Variants in RBM19 observed in about 807,000 individuals in gnomAD.
RBM19 encodes the protein probable RNA-binding protein 19.
A neutral mutation model predicts 116.8 loss-of-function variants in RBM19; 94 were observed. The ratio of observed to expected loss-of-function variants is 0.80; its 90% CI spans 0.68 to 0.95. The LOEUF is 0.95. Among genes scored for constraint, RBM19 ranks in the 40% least tolerant of loss-of-function variants. The pLI is 0.00. For missense variants in RBM19, 1,161 were observed against 1,220.7 expected (o/e 0.95, Z 0.73); for synonymous variants, 475 against 494.1 (o/e 0.96, Z 0.51).
chr12:113,855,955 C>T (rs1380389343), intron 22 of RBM19, among the ~76,000 whole-genome samples: 1 of 152,160 alleles, frequency 6.6e-6, no homozygotes, highest in African/African-American at 2.4e-5. Context: ...TGGCAGCTTC[C>T]CTAGGAAACA....
chr12:113,864,937 G>A, intron 21 of RBM19, among the ~76,000 whole-genome samples: 1 of 152,196 alleles, frequency 6.6e-6, no homozygotes, highest in South Asian at 2.1e-4. Flanking sequence ...CCAGTTTCAT[G>A]AATATCTGTC....
In RBM19 at chr12:113,851,447, C is replaced by A. The variant is rs1167215620; in HGVS notation, c.2665-6659G>T. ...ACCCCTGGGAGAGGAAAGAGAGCCA[C>A]TAGGGAGAGAGGGCCAATGCCAGGG... On this transcript the variant is annotated intron_variant, in intron 22 of 23. Transcript: ENST00000261741. Among the ~76,000 whole-genome samples, 3 of 152,188 alleles carry A rather than the reference C, an allele frequency of 2.0e-5. No individual in the cohort carries two copies. The East Asian group carries it at 5.8e-4, about 29-fold the overall frequency.
At chr12:113,858,692 G>T in intron 22 of RBM19, 99 bp downstream of exon 22, 1 of 1,089,656 alleles carries the variant, frequency 9.2e-7, no homozygotes, top group South Asian at 1.3e-5. Flanking sequence ...CCTGCATGGG[G>T]AGGTGACTCT....
intron 23 of RBM19, among the ~76,000 whole-genome samples, chr12:113,835,683 G>A (rs1019289023): frequency 4.0e-4 from 61 of 152,178 alleles, no homozygotes; most frequent in African/African-American, 1.4e-3. Flanking sequence ...GCACTTCTCC[G>A]GGCACTCTGC....
chr12:113,883,880 C>A (rs933950782), intron 21 of RBM19, among the ~76,000 whole-genome samples: 3 of 152,000 alleles, frequency 2.0e-5, no homozygotes, highest in African/African-American at 7.2e-5. Context: ...TGTAATATAA[C>A]CCTGGATAGG....
At chr12:113,837,715 G>A (rs767996708) in intron 23 of RBM19, among the ~76,000 whole-genome samples, 7 of 152,256 alleles carry the variant, frequency 4.6e-5, no homozygotes, top group Non-Finnish European at 8.8e-5. Flanking sequence ...ACACAGGTTT[G>A]AATCCTGGCT....
intron 16 of RBM19, among the ~76,000 whole-genome samples, chr12:113,927,772 C>T (rs554531416): frequency 1.3e-5 from 2 of 152,150 alleles, no homozygotes; most frequent in East Asian, 3.9e-4. Flanking sequence ...CTTCAGGAAG[C>T]ATATACACAA....
At chr12:113,904,326 TA>T (rs1334258383) in intron 21 of RBM19, among the ~76,000 whole-genome samples, 1 of 151,714 alleles carries the variant, frequency 6.6e-6, no homozygotes, top group African/African-American at 2.4e-5. Flanking sequence ...ATGAAAGAGT[TA>T]AAAAAAACTC....
chr12:113,895,302 C>T (rs1881241899), intron 21 of RBM19, among the ~76,000 whole-genome samples: 1 of 152,070 alleles, frequency 6.6e-6, no homozygotes, highest in Non-Finnish European at 1.5e-5. Context: ...GTGTGTCAGT[C>T]CACGAGGGAT....
At chr12:113,872,177 G>C (rs12425023) in intron 21 of RBM19, among the ~76,000 whole-genome samples, 4 of 143,652 alleles carry the variant, frequency 2.8e-5, no homozygotes, top group African/African-American at 1.0e-4. Flanking sequence ...CTGCCCTGCC[G>C]CCCCATCTGG....
intron 21 of RBM19, among the ~76,000 whole-genome samples, chr12:113,862,716 C>G (rs184734734): frequency 6.6e-4 from 101 of 152,232 alleles, no homozygotes; most frequent in Non-Finnish European, 1.2e-3. Flanking sequence ...CCTCCCTGAG[C>G]CCAACTCTGC....
chr12:113,927,601 A>AC (rs1374024280), intron 16 of RBM19, among the ~76,000 whole-genome samples: 11 of 93,216 alleles, frequency 1.2e-4, no homozygotes, highest in Admixed American at 4.0e-4. Context: ...CAAAAAAAAA[A>AC]AAACAAAAAA....
chr12:113,887,376 C>A (rs1190084871), intron 21 of RBM19, among the ~76,000 whole-genome samples: 1 of 152,068 alleles, frequency 6.6e-6, no homozygotes, highest in Admixed American at 6.6e-5. Flanking sequence ...GTGGCTCATG[C>A]CTGTAAATCC....
At chr12:113,877,803 G>C (rs904396800) in intron 21 of RBM19, among the ~76,000 whole-genome samples, 2 of 152,184 alleles carry the variant, frequency 1.3e-5, no homozygotes, top group Non-Finnish European at 2.9e-5. Context: ...ACTATGTGCA[G>C]GCACCTACTA....
intron 10 of RBM19, 113 bp from the exon 11 acceptor site, chr12:113,947,577 C>T: frequency 2.5e-6 from 3 of 1,177,890 alleles, no homozygotes; most frequent in Non-Finnish European, 3.5e-6. Flanking sequence ...TGTCATTTCC[C>T]AGTCCCCTAC....
intron 23 of RBM19, among the ~76,000 whole-genome samples, chr12:113,844,218 A>G (rs993014042): frequency 6.6e-6 from 1 of 152,220 alleles, no homozygotes; most frequent in Non-Finnish European, 1.5e-5. Flanking sequence ...CATGGAGGAA[A>G]GTGATCAGCA....
rs149463680 is a variant in RBM19, at chr12:113,836,920, TAC to T, written c.2785+7746_2785+7747del. 1.1e-3 allele frequency among the ~76,000 whole-genome samples: 9 copies of T among 8,564 alleles called. 1 individual carries two copies. Among genetic ancestry groups the T allele is most frequent in the African/African-American group, 2.8e-3 (5 of 1,794 alleles). 5.6% of individuals were successfully genotyped at this position (8,564 alleles called of 152,430 possible). Reference sequence around the variant, plus strand: ...CATACACACCCCCCCCCCCCCCACATACACACACACACACACACACGTGTCCC... The same window carrying T: ...CATACACACCCCCCCCCCCCCCACATACACACACACACACACACGTGTCCC... On this transcript the variant is annotated intron_variant, in intron 23 of 23. Transcript: ENST00000261741.
intron 21 of RBM19, among the ~76,000 whole-genome samples, chr12:113,862,218 T>C (rs1186581759): frequency 1.3e-5 from 2 of 152,140 alleles, no homozygotes; most frequent in African/African-American, 4.8e-5. Context: ...ATACATCATA[T>C]CCATGCCTCT....
At chr12:113,936,865 G>C in intron 16 of RBM19, 142 bp downstream of exon 16, 1 of 1,112,238 alleles carries the variant, frequency 9.0e-7, no homozygotes, top group Middle Eastern at 3.0e-4. Flanking sequence ...CATAAAATCT[G>C]AGAGTCTGAG....
Sources: gnomAD v4.1 joint callset for allele counts (sites outside exome capture counted in the v4.1 genomes callset) on GRCh38, gnomAD v4.1.1 for gene constraint, MANE v1.5 for transcripts, NCBI Gene and HGNC (gene_info 2026-07-23, HGNC 2026-07-21) for gene names.